ANKFY1: variants seen among roughly 807,000 people sequenced by gnomAD.
ANKFY1 encodes the protein ankyrin repeat and FYVE domain containing 1, also known as ankyrin repeat and FYVE domain-containing protein 1.
In ANKFY1, 47 loss-of-function variants were observed where a neutral mutation model predicts 128.3. The observed-to-expected ratio is 0.37, with a 90% CI of 0.29 to 0.47. The LOEUF is 0.47. ANKFY1 is among the 20% of genes least tolerant of loss of function. ANKFY1 has a pLI of 1.00. For synonymous variants in ANKFY1, 553 were observed against 601.6 expected, an observed-to-expected ratio of 0.92 and a Z score of 1.18; for missense variants, 1,222 against 1,510.6, an observed-to-expected ratio of 0.81 and a Z score of 3.17.
rs374660461 is a variant in ANKFY1, at chr17:4,183,723, CTCTT to C, written c.1798+85_1798+88del. On this transcript the variant is annotated intron_variant, in intron 13 of 24. Transcript: ENST00000341657. The stretch of plus-strand genomic sequence containing the variant: ...ACAACCAAATGATTAGCCCAGTCTC[CTCTT>C]TCTTTCTCGCTCCCTCTGTCCCACC... 1.1e-3 allele frequency: 1,583 copies of C among 1,450,226 alleles called. 23 individuals carry two copies. In the South Asian group the frequency reaches 0.017, roughly 16 times the overall value. 89.8% of individuals were successfully genotyped at this position (1,450,226 alleles called of 1,614,324 possible).
At chr17:4,196,023 A>ACCCCCCCCC (rs1343937104) in intron 8 of ANKFY1, among the ~76,000 whole-genome samples, 1 of 10,192 alleles carries the variant, frequency 9.8e-5, no homozygotes, top group African/African-American at 4.0e-4. Flanking sequence ...GCACCTACCC[A>ACCCCCCCCC]CCCACCCCCC....
intron 7 of ANKFY1, among the ~76,000 whole-genome samples, chr17:4,203,236 A>ACC (rs1265703658): frequency 1.3e-5 from 2 of 152,306 alleles, no homozygotes; most frequent in Non-Finnish European, 1.5e-5. Context: ...GTTAAAATAA[A>ACC]AGCTGGTGCT....
intron 18 of ANKFY1, among the ~76,000 whole-genome samples, 155 bp from the exon 19 acceptor site, chr17:4,177,457 C>G (rs1479598412): frequency 6.6e-6 from 1 of 152,070 alleles, no homozygotes; most frequent in Non-Finnish European, 1.5e-5. Flanking sequence ...GAAACGCCAT[C>G]CCCCAACCCA....
In ANKFY1 at chr17:4,181,423, G is replaced by C. The variant is rs750366096; in HGVS notation, c.2122-51C>G. ...AAACACTGCTGAGCAAAGGCAAACA[G>C]TTTTATTACCAAGTCTGAGCTCTAT... On this transcript the variant is annotated intron_variant, in intron 15 of 24. Transcript: ENST00000341657. This position sits in a 1 kb window ranked among gnomAD's most constrained non-coding sequence, Gnocchi z 4.9. 4 of 1,328,722 alleles carry C rather than the reference G, an allele frequency of 3.0e-6. No individual in the cohort carries two copies. The East Asian group carries it at 9.2e-5, about 31-fold the overall frequency. The allele number at this position is 1,328,722 out of a possible 1,614,324, so 82.3% of individuals were successfully genotyped here.
At chr17:4,205,566 C>A (rs1450203914) in intron 7 of ANKFY1, among the ~76,000 whole-genome samples, 1 of 152,080 alleles carries the variant, frequency 6.6e-6, no homozygotes, top group African/African-American at 2.4e-5. Context: ...CACGGTGACA[C>A]CCCGTCTCTA....
intron 11 of ANKFY1, among the ~76,000 whole-genome samples, chr17:4,185,280 A>G (rs1054344311): frequency 6.6e-6 from 1 of 151,876 alleles, no homozygotes; most frequent in Admixed American, 6.6e-5. Context: ...ATCTCGGCTC[A>G]CTGCAACCTT....
chr17:4,191,548 T>G (rs1286073013), intron 10 of ANKFY1, among the ~76,000 whole-genome samples: 1 of 151,636 alleles, frequency 6.6e-6, no homozygotes, highest in Non-Finnish European at 1.5e-5. Context: ...TACTCTAATC[T>G]GGAGACTCCT....
intron 1 of ANKFY1, among the ~76,000 whole-genome samples, chr17:4,244,850 T>C (rs565576969): frequency 1.3e-5 from 2 of 152,220 alleles, no homozygotes; most frequent in East Asian, 3.9e-4. Context: ...TGGGTCCTGC[T>C]AGTCAGCATA....
intron 1 of ANKFY1, chr17:4,263,530 T>C (rs1968536357): frequency 2.7e-6 from 4 of 1,468,604 alleles, no homozygotes; most frequent in Admixed American, 2.0e-5. Flanking sequence ...AAGCGAGGGA[T>C]GGACCCCTTC....
Position 4,206,364 on chromosome 17 carries a change from C to T in ANKFY1, c.855G>A (p.Val285=), listed in dbSNP as rs371975692. 1.7e-5 allele frequency: 28 copies of T among 1,614,062 alleles called. No individual in the cohort carries two copies. The African/African-American group carries it at 3.6e-4, about 21-fold the overall frequency. Residue 285 remains valine (V), a synonymous_variant, in exon 7 of 25, where the codon GTG becomes GTA. Coordinates refer to ENST00000341657, the MANE Select transcript of ANKFY1 (RefSeq NM_001330063.2). ...LVSHKADVDM[V]DKSGWSLLHK... The stretch of plus-strand genomic sequence containing the variant: ...GTAACAAGCTCCAGCCACTCTTGTC[C>T]ACCATGTCCACATCAGCTTTGTGAC...
At chr17:4,200,222 C>T (rs951532801) in intron 7 of ANKFY1, among the ~76,000 whole-genome samples, 4 of 151,934 alleles carry the variant, frequency 2.6e-5, no homozygotes, top group African/African-American at 2.4e-5. Flanking sequence ...CCAACATACC[C>T]GGCTAATTTT....
chr17:4,168,890 G>A (rs1162192558), intron 24 of ANKFY1: 1 of 359,620 alleles, frequency 2.8e-6, no homozygotes, highest in South Asian at 4.0e-5. Context: ...CATGAGGGCA[G>A]TAGCTCATCT....
chr17:4,261,636 C>T (rs781709247), intron 1 of ANKFY1, among the ~76,000 whole-genome samples: 1 of 152,214 alleles, frequency 6.6e-6, no homozygotes, highest in African/African-American at 2.4e-5. Flanking sequence ...AGGCGCTTGC[C>T]GGATGATGAG....
chr17:4,183,827 G>A lies in ANKFY1; in HGVS notation c.1783C>T (p.Leu595=). ...ACAGCCTTACCAGTCCATAATGCCA[G>A]GCCCAGCACAGTCTGGTCTCGGGAA... ...KDSRDQTVLG[L]ALWTGMHTIA... is the part of the protein sequence containing the mutation. The change falls in exon 13 of 25, where the codon CTG becomes TTG. Residue 595 remains leucine, a synonymous_variant. Coordinates refer to ENST00000341657, the MANE Select transcript of ANKFY1 (RefSeq NM_001330063.2). The A allele has an allele frequency of 6.2e-7, 1 of 1,612,974 alleles. No individual in the cohort carries two copies. Among genetic ancestry groups the A allele is most frequent in the Non-Finnish European group, 8.5e-7 (1 of 1,178,914 alleles).
At chr17:4,261,263 C>G (rs569213642) in intron 1 of ANKFY1, among the ~76,000 whole-genome samples, 1 of 152,298 alleles carries the variant, frequency 6.6e-6, no homozygotes, top group Non-Finnish European at 1.5e-5. Flanking sequence ...CCGAGGCCGG[C>G]AGATCAGCTG....
chr17:4,212,389 TATAAA>T (rs2060148953), intron 4 of ANKFY1, among the ~76,000 whole-genome samples: 2 of 152,206 alleles, frequency 1.3e-5, no homozygotes, highest in African/African-American at 4.8e-5. Flanking sequence ...TCTCCTCCTC[TATAAA>T]ATAAAGATGT....
At chr17:4,208,182 T>TAAAG in intron 5 of ANKFY1, 100 bp from the exon 6 acceptor site, 3 of 1,190,978 alleles carry the variant, frequency 2.5e-6, no homozygotes, top group Non-Finnish European at 3.4e-6. Flanking sequence ...GGCCCTTCTT[T>TAAAG]AAGGGCTTAA....
At chr17:4,203,420 C>T (rs2143013930) in intron 7 of ANKFY1, among the ~76,000 whole-genome samples, 1 of 152,220 alleles carries the variant, frequency 6.6e-6, no homozygotes, top group East Asian at 1.9e-4. Context: ...TTTTATTCAG[C>T]CAGTAACCTT....
intron 5 of ANKFY1, among the ~76,000 whole-genome samples, 196 bp downstream of exon 5, chr17:4,209,628 C>T (rs1003310798): frequency 6.6e-6 from 1 of 152,158 alleles, no homozygotes; most frequent in African/African-American, 2.4e-5. Context: ...TGTCCTTTGG[C>T]TCCGAAATCA....
Sources: allele counts gnomAD v4.1 joint callset (sites outside exome capture counted in the v4.1 genomes callset), GRCh38; gene constraint gnomAD v4.1.1; non-coding constraint Gnocchi (gnomAD v3.1); transcripts MANE v1.5; gene names NCBI Gene and HGNC (gene_info 2026-07-23, HGNC 2026-07-21).